TCAIM: variants seen among roughly 807,000 people sequenced by gnomAD.
TCAIM encodes T-cell activation inhibitor, mitochondrial.
Under a neutral mutation model 58.6 loss-of-function variants are expected in TCAIM, and 36 were observed. The ratio of observed to expected loss-of-function variants is 0.61; its 90% CI spans 0.47 to 0.81. The LOEUF is 0.81. Ranked by LOEUF, TCAIM falls within the 30% of genes least tolerant of loss-of-function variation. The pLI is 0.00. For missense variants in TCAIM, 466 were observed against 579.6 expected, an observed-to-expected ratio of 0.80 and a Z score of 2.01; for synonymous variants, 172 against 193.6, an observed-to-expected ratio of 0.89 and a Z score of 0.93.
At chr3:44,350,170 G>C (rs991792899) in intron 1 of TCAIM, among the ~76,000 whole-genome samples, 2 of 152,086 alleles carry the variant, frequency 1.3e-5, no homozygotes, top group Admixed American at 6.5e-5. Context: ...ATAGGATTTG[G>C]GTAGGTAGTG....
chr3:44,358,018 G>C (rs772601434), intron 3 of TCAIM, 142 bp downstream of exon 3: 14 of 1,366,210 alleles, frequency 1.0e-5, no homozygotes, highest in Non-Finnish European at 1.4e-5. Flanking sequence ...TTGAAATGTA[G>C]ATACTGAAAA....
intron 6 of TCAIM, among the ~76,000 whole-genome samples, chr3:44,395,396 A>C (rs4682743): frequency 0.49 from 74,058 of 151,956 alleles, 19,296 homozygotes; most frequent in East Asian, 0.81. Flanking sequence ...ACATTACCTC[A>C]TTTGATGCCT....
chr3:44,393,022 G>A, intron 6 of TCAIM, 45 bp downstream of exon 6: 3 of 1,560,006 alleles, frequency 1.9e-6, no homozygotes, highest in Non-Finnish European at 2.6e-6. Context: ...AAATGAATAT[G>A]AATTACCAAC....
At chr3:44,407,004 A>G (rs1001498940) in intron 10 of TCAIM, among the ~76,000 whole-genome samples, 2 of 152,268 alleles carry the variant, frequency 1.3e-5, no homozygotes, top group Non-Finnish European at 2.9e-5. Flanking sequence ...TGTCCTCCTC[A>G]GGATCCTGGT....
chr3:44,381,146 C>G (rs942866909), intron 5 of TCAIM, among the ~76,000 whole-genome samples: 1 of 152,062 alleles, frequency 6.6e-6, no homozygotes, highest in Non-Finnish European at 1.5e-5. Flanking sequence ...TAAAGGCAGA[C>G]AAAGACACTA....
intron 3 of TCAIM, chr3:44,359,240 A>C: frequency 3.8e-6 from 1 of 262,222 alleles, no homozygotes; most frequent in Non-Finnish European, 5.9e-6. Context: ...AAACAACAAA[A>C]ACTTCTACGT....
At chr3:44,372,064 A>AGGAAGGAGGGAAGGAAGGAG (rs1553659752) in intron 5 of TCAIM, among the ~76,000 whole-genome samples, 1 of 145,968 alleles carries the variant, frequency 6.9e-6, no homozygotes, top group African/African-American at 2.6e-5. Context: ...GAAGGAAGGA[A>AGGAAGGAGGGAAGGAAGGAG]GGAAGGAAGG....
At chr3:44,407,344 G>A (rs1702115753) in intron 10 of TCAIM, 98 bp from the exon 11 acceptor site, 1 of 1,047,222 alleles carries the variant, frequency 9.5e-7, no homozygotes, top group African/African-American at 1.6e-5. Context: ...GCACAGTTAG[G>A]GCCCCAACAT....
At chr3:44,383,417 ATCATGC>A (rs1251808099) in intron 5 of TCAIM, among the ~76,000 whole-genome samples, 1 of 152,194 alleles carries the variant, frequency 6.6e-6, no homozygotes, top group Non-Finnish European at 1.5e-5. Context: ...CCTTGAGGAC[ATCATGC>A]TACATGAAAT....
At chr3:44,402,672 A>G (rs1011758379) in intron 10 of TCAIM, among the ~76,000 whole-genome samples, 1 of 152,134 alleles carries the variant, frequency 6.6e-6, no homozygotes, top group African/African-American at 2.4e-5. Flanking sequence ...AATTGTTTCT[A>G]GTAGGAGATG....
At chr3:44,342,677 A>AT (rs1234295143) in intron 1 of TCAIM, among the ~76,000 whole-genome samples, 3 of 150,558 alleles carry the variant, frequency 2.0e-5, no homozygotes, top group South Asian at 2.1e-4. Flanking sequence ...ATACCAGGAG[A>AT]TTTTTTTTCC....
At chr3:44,352,284 T>C (rs766740695) in intron 1 of TCAIM, among the ~76,000 whole-genome samples, 21 of 152,078 alleles carry the variant, frequency 1.4e-4, no homozygotes, top group Middle Eastern at 3.2e-3. Context: ...ATGGTTATTA[T>C]GCAAATAATA....
At chr3:44,362,514 A>C (rs1701309134) in intron 4 of TCAIM, 1 of 400,508 alleles carries the variant, frequency 2.5e-6, no homozygotes, top group African/African-American at 2.1e-5. Flanking sequence ...CTAGTATTTG[A>C]TAGTATATGA....
intron 8 of TCAIM, among the ~76,000 whole-genome samples, chr3:44,399,885 T>C (rs1469417085): frequency 6.6e-6 from 1 of 152,224 alleles, no homozygotes; most frequent in Non-Finnish European, 1.5e-5. Context: ...ACACTTGAAG[T>C]GTCCAGCTCA....
At chr3:44,392,363 G>A (rs1159879141) in intron 5 of TCAIM, among the ~76,000 whole-genome samples, 9 of 152,082 alleles carry the variant, frequency 5.9e-5, no homozygotes, top group Non-Finnish European at 2.9e-5. Flanking sequence ...GGTTACATGT[G>A]TAGGTTTGTT....
chr3:44,406,317 T>G (rs543648444), intron 10 of TCAIM, among the ~76,000 whole-genome samples: 1 of 152,218 alleles, frequency 6.6e-6, no homozygotes, highest in African/African-American at 2.4e-5. Flanking sequence ...TCTTGACAAG[T>G]GAAAAATCCC....
chr3:44,392,790 C>T, intron 5 of TCAIM, 65 bp from the exon 6 acceptor site: 1 of 1,470,682 alleles, frequency 6.8e-7, no homozygotes, highest in Non-Finnish European at 9.2e-7. Context: ...ATGCATGTGT[C>T]TTTTAATAGT....
chr3:44,352,441 C>CT (rs1272764489), intron 1 of TCAIM, among the ~76,000 whole-genome samples: 2 of 152,162 alleles, frequency 1.3e-5, no homozygotes, highest in Non-Finnish European at 2.9e-5. Context: ...CTTTCCCCCA[C>CT]TTTTATCTCC....
At chr3:44,359,034 G>C in intron 3 of TCAIM, 1 of 982,080 alleles carries the variant, frequency 1.0e-6, no homozygotes, top group Non-Finnish European at 1.2e-6. Context: ...AAAATGTATA[G>C]AAAAATCAAG....
Sources: allele counts gnomAD v4.1 joint callset (sites outside exome capture counted in the v4.1 genomes callset), GRCh38; gene constraint gnomAD v4.1.1; transcripts MANE v1.5; gene names NCBI Gene and HGNC (gene_info 2026-07-23, HGNC 2026-07-21).